Variants in FOXP1 observed in about 807,000 individuals in gnomAD.
FOXP1 encodes the protein forkhead box P1, also known as forkhead box protein P1.
A neutral mutation model predicts 98.2 loss-of-function variants in FOXP1; 15 were observed. That is an observed-to-expected ratio of 0.15 (90% confidence interval 0.10 to 0.24). The LOEUF (loss-of-function observed/expected upper bound fraction) is 0.24. FOXP1 is among the 10% of genes least tolerant of loss of function. The pLI, the probability that FOXP1 is intolerant of heterozygous loss-of-function variation, is 1.00. For missense variants in FOXP1, 633 were observed against 848.5 expected (o/e 0.75, Z 3.15); for synonymous variants, 371 against 314.5 (o/e 1.18, Z -1.90).
intron 20 of FOXP1, among the ~76,000 whole-genome samples, chr3:70,961,230 A>T (rs951402525): frequency 2.6e-5 from 4 of 151,114 alleles, no homozygotes; most frequent in African/African-American, 4.9e-5. Flanking sequence ...CAGCTATTTT[A>T]TTTATTTATT....
intron 2 of FOXP1, among the ~76,000 whole-genome samples, chr3:71,563,925 C>A (rs2046723213): frequency 6.6e-6 from 1 of 152,240 alleles, no homozygotes; most frequent in South Asian, 2.1e-4. Context: ...TCTCTGAAAT[C>A]TGAATGGCAC....
At chr3:70,993,850 A>G (rs1389641683) in intron 13 of FOXP1, among the ~76,000 whole-genome samples, 2 of 151,708 alleles carry the variant, frequency 1.3e-5, no homozygotes, top group Non-Finnish European at 2.9e-5. Flanking sequence ...AAAAATTAGC[A>G]GGGCATGGTG....
chr3:71,277,261 CT>C (rs34816352), intron 5 of FOXP1, among the ~76,000 whole-genome samples: 34,167 of 133,686 alleles, frequency 0.26, 4,210 homozygotes, highest in Middle Eastern at 0.29. Context: ...CCTGGCTGAA[CT>C]TTTTTTTTTT....
chr3:71,191,495 CCT>C (rs1426862584), intron 6 of FOXP1, among the ~76,000 whole-genome samples: 2 of 152,178 alleles, frequency 1.3e-5, no homozygotes, highest in Non-Finnish European at 1.5e-5. Context: ...ACCACATTCT[CCT>C]CTGTTACAGG....
At chr3:71,459,033 A>AT (rs1057292300) in intron 3 of FOXP1, among the ~76,000 whole-genome samples, 11 of 151,936 alleles carry the variant, frequency 7.2e-5, no homozygotes, top group Admixed American at 4.6e-4. Flanking sequence ...TCAAGGCTTT[A>AT]TTTTTTTTCT....
chr3:71,013,484 T>G (rs2043967576), intron 12 of FOXP1, among the ~76,000 whole-genome samples: 1 of 152,056 alleles, frequency 6.6e-6, no homozygotes, highest in Admixed American at 6.6e-5. Flanking sequence ...AAACCACTGC[T>G]CAATGAAATA....
At chr3:71,272,755 G>T (rs1196602183) in intron 5 of FOXP1, among the ~76,000 whole-genome samples, 2 of 140,348 alleles carry the variant, frequency 1.4e-5, no homozygotes, top group Non-Finnish European at 3.2e-5. Context: ...AAAGAGCTCT[G>T]CCCCTTATTA....
chr3:70,958,851 G>A lies in FOXP1; in HGVS notation c.*396C>T, dbSNP rs1559557828. The A allele has an allele frequency of 2.6e-6, 1 of 385,468 alleles. No homozygotes were observed. Among genetic ancestry groups the A allele is most frequent in the Non-Finnish European group, 4.8e-6 (1 of 207,874 alleles). 23.9% of individuals were successfully genotyped at this position (385,468 alleles called of 1,614,324 possible). ...TCCTTAAATTCTGGGCAAAGGCTTGGTCTGCAGCTTAGGTGCACAAGCTCT... is the reference window on the plus strand; with the variant it reads ...TCCTTAAATTCTGGGCAAAGGCTTGATCTGCAGCTTAGGTGCACAAGCTCT... On this transcript the variant is annotated 3_prime_UTR_variant, in exon 21 of 21. Transcript: ENST00000649528.
At chr3:71,233,577 C>T (rs993872018) in intron 5 of FOXP1, among the ~76,000 whole-genome samples, 1 of 148,078 alleles carries the variant, frequency 6.8e-6, no homozygotes, top group South Asian at 2.2e-4. Context: ...CAAATGCCCA[C>T]GACCATGTTT....
chr3:71,135,600 C>T (rs772829590), intron 6 of FOXP1, among the ~76,000 whole-genome samples: 5 of 152,160 alleles, frequency 3.3e-5, no homozygotes, highest in Non-Finnish European at 7.3e-5. Context: ...CCTTGTTCAC[C>T]GCCAGCTTAA....
At chr3:71,068,032 G>C (rs979450760) in intron 7 of FOXP1, among the ~76,000 whole-genome samples, 10 of 151,188 alleles carry the variant, frequency 6.6e-5, no homozygotes, top group Non-Finnish European at 8.8e-5. Flanking sequence ...TACCTGTGGT[G>C]GGGGGGAGGG....
chr3:71,565,085 C>G (rs2046809333), intron 2 of FOXP1, among the ~76,000 whole-genome samples: 1 of 152,084 alleles, frequency 6.6e-6, no homozygotes, highest in Non-Finnish European at 1.5e-5. Context: ...GGCGACAGAG[C>G]AAGACTTTGT....
At chr3:71,037,491 T>A (rs919690225) in intron 11 of FOXP1, among the ~76,000 whole-genome samples, 7 of 152,144 alleles carry the variant, frequency 4.6e-5, no homozygotes, top group African/African-American at 1.7e-4. Flanking sequence ...TTTTGTCTGT[T>A]TCCCTAAGAA....
chr3:71,095,188 C>A (rs79339604), intron 7 of FOXP1, among the ~76,000 whole-genome samples: 71 of 152,290 alleles, frequency 4.7e-4, no homozygotes, highest in African/African-American at 1.7e-3. Flanking sequence ...GTCTGACCTG[C>A]TGTTCATAAG....
At chr3:71,385,405 C>A (rs1035005100) in intron 3 of FOXP1, among the ~76,000 whole-genome samples, 1 of 152,210 alleles carries the variant, frequency 6.6e-6, no homozygotes, top group Non-Finnish European at 1.5e-5. Flanking sequence ...CTGAACCACA[C>A]GTACACAAAG....
intron 3 of FOXP1, among the ~76,000 whole-genome samples, chr3:71,467,782 G>A (rs996714853): frequency 2.0e-5 from 3 of 152,154 alleles, no homozygotes; most frequent in African/African-American, 2.4e-5. Flanking sequence ...AACAAAGATC[G>A]TTGGATCTCC....
At chr3:71,138,771 T>C (rs2059933205) in intron 6 of FOXP1, among the ~76,000 whole-genome samples, 1 of 152,214 alleles carries the variant, frequency 6.6e-6, no homozygotes, top group Admixed American at 6.5e-5. Context: ...GCACATTCAC[T>C]GGCACGCGAC....
chr3:70,961,913 A>C (rs1050784569), intron 20 of FOXP1, among the ~76,000 whole-genome samples: 2 of 152,066 alleles, frequency 1.3e-5, no homozygotes, highest in African/African-American at 2.4e-5. Context: ...AAAGGTAATA[A>C]AAGCACATAA....
At chr3:71,525,529 C>T (rs1341280024) in intron 2 of FOXP1, among the ~76,000 whole-genome samples, 1 of 152,178 alleles carries the variant, frequency 6.6e-6, no homozygotes, top group Non-Finnish European at 1.5e-5. Context: ...TCAAGTGATT[C>T]TCATAGATCA....
Sources: allele counts gnomAD v4.1 joint callset (sites outside exome capture counted in the v4.1 genomes callset), GRCh38; gene constraint gnomAD v4.1.1; transcripts MANE v1.5; gene names NCBI Gene and HGNC (gene_info 2026-07-23, HGNC 2026-07-21).